VPS54: variants seen among roughly 807,000 people sequenced by gnomAD.
The protein encoded by VPS54 is vacuolar protein sorting-associated protein 54.
A neutral mutation model predicts 121.5 loss-of-function variants in VPS54; 45 were observed. That is an observed-to-expected ratio of 0.37 (90% confidence interval 0.29 to 0.47). The LOEUF is 0.47. Among genes scored for constraint, VPS54 ranks in the 20% least tolerant of loss-of-function variants. VPS54 has a pLI of 0.99. For synonymous variants in VPS54, 371 were observed against 385.8 expected (o/e 0.96, Z 0.45); for missense variants, 1,090 against 1,131.4 (o/e 0.96, Z 0.52).
chr2:63,899,018 A>C (rs1558976128), intron 21 of VPS54, among the ~76,000 whole-genome samples: 1 of 152,120 alleles, frequency 6.6e-6, no homozygotes, highest in Non-Finnish European at 1.5e-5. Flanking sequence ...TTTACTACAG[A>C]TCTCTTATGC....
In VPS54 at chr2:63,914,246, T is replaced by C. The variant is rs753024761; in HGVS notation, c.2270A>G (p.Gln757Arg). 1.2e-6 allele frequency: 2 copies of C among 1,613,662 alleles called. No homozygotes were observed. The highest frequency in any genetic ancestry group is 1.7e-6 in the Non-Finnish European group (2 of 1,179,778). Residue 757 changes from glutamine (Q) to arginine (R), a missense_variant, in exon 17 of 23, where the codon CAG becomes CGG. Physicochemically the swap from Gln to Arg is conservative, Grantham distance 43. This residue lies in a region of VPS54 where 289 missense variants were observed against 374.4 expected (regional missense o/e 0.77). Coordinates refer to ENST00000272322, the MANE Select transcript of VPS54 (RefSeq NM_016516.3). ...LLIRIILEYC[Q>R]CVDNIPSVTT... ...AACAGATGGGATGTTATCCACACAC[T>C]GGCAATATTCAAGGATAATTCTTAT...
chr2:63,912,755 C>T, intron 18 of VPS54, 94 bp from the exon 19 acceptor site: 1 of 1,448,498 alleles, frequency 6.9e-7, no homozygotes, highest in South Asian at 1.4e-5. Flanking sequence ...TAAAAAACAT[C>T]ACTTATAAAG....
chr2:64,011,483 T>G (rs1678427784), intron 1 of VPS54, among the ~76,000 whole-genome samples: 1 of 152,130 alleles, frequency 6.6e-6, no homozygotes, highest in African/African-American at 2.4e-5. Context: ...GAGCAATCGC[T>G]TGAACACAGA....
chr2:63,980,792 C>T (rs1193607858), intron 3 of VPS54, among the ~76,000 whole-genome samples: 1 of 151,974 alleles, frequency 6.6e-6, no homozygotes, highest in African/African-American at 2.4e-5. Context: ...TATTAATGTT[C>T]ATCTACTTAA....
intron 1 of VPS54, among the ~76,000 whole-genome samples, chr2:63,988,961 A>T (rs1677185232): frequency 6.6e-6 from 1 of 152,148 alleles, no homozygotes; most frequent in South Asian, 2.1e-4. Flanking sequence ...AGTAAGGAAT[A>T]TTAATAATTA....
In VPS54 at chr2:63,920,523, C is replaced by T. The variant is rs200443385; in HGVS notation, c.1974G>A (p.Thr658=). ...DTEQICGRKS[T]SLLGALQSQA... is the part of the protein sequence containing the mutation. ...GGCTCTGAAGTGCTCCAAGTAATGA[C>T]GTGCTTTTTCTTCCACAGATCTGTT... Residue 658 remains threonine, a synonymous_variant, in exon 14 of 23, where the codon ACG becomes ACA. Transcript: ENST00000272322. The T allele has an allele frequency of 3.6e-5, 57 of 1,590,480 alleles. No homozygotes were observed. The highest frequency in any genetic ancestry group is 4.1e-5 in the African/African-American group (3 of 72,956).
At chr2:64,010,477 T>C (rs1254443378) in intron 1 of VPS54, among the ~76,000 whole-genome samples, 1 of 152,180 alleles carries the variant, frequency 6.6e-6, no homozygotes, top group Non-Finnish European at 1.5e-5. Flanking sequence ...CCCCCTCCTT[T>C]CTCCACCACC....
At chr2:63,953,979 CT>C (rs1303467427) in intron 7 of VPS54, among the ~76,000 whole-genome samples, 2 of 152,118 alleles carry the variant, frequency 1.3e-5, no homozygotes, top group Non-Finnish European at 2.9e-5. Context: ...ACTTTTTCCT[CT>C]TCTTTTCCTT....
chr2:63,914,442 A>G (rs1231116924), intron 16 of VPS54, among the ~76,000 whole-genome samples, 155 bp from the exon 17 acceptor site: 1 of 152,240 alleles, frequency 6.6e-6, no homozygotes, highest in Non-Finnish European at 1.5e-5. Flanking sequence ...ACCTACTAGT[A>G]CAGCAGGTTC....
At chr2:63,934,191 T>C (rs537910684) in intron 11 of VPS54, among the ~76,000 whole-genome samples, 178 bp from the exon 12 acceptor site, 2 of 152,318 alleles carry the variant, frequency 1.3e-5, no homozygotes, top group Non-Finnish European at 2.9e-5. Context: ...GAAAAAGAAC[T>C]GGCCAGGAGA....
Position 63,933,698 on chromosome 2 carries a change from C to T in VPS54, c.1714G>A (p.Ala572Thr). ...SSSKEHTSSS[A>T]IPGGVDIMVS... ...ATAATATCCACACCTCCTGGAATAGCAGATGATGATGTGTGCTCTTTGCTG... is the reference window on the plus strand; with the variant it reads ...ATAATATCCACACCTCCTGGAATAGTAGATGATGATGTGTGCTCTTTGCTG... The change falls in exon 12 of 23, where the codon GCT (alanine) becomes ACT (threonine). Residue 572 changes from alanine (A) to threonine (T), a missense_variant. Physicochemically the swap from Ala to Thr is moderately conservative, Grantham distance 58. Transcript: ENST00000272322. 6.2e-7 allele frequency: 1 copy of T among 1,613,120 alleles called. No individual in the cohort carries two copies. Among genetic ancestry groups the T allele is most frequent in the Non-Finnish European group, 8.5e-7 (1 of 1,179,652 alleles).
At chr2:63,914,032 A>G in intron 17 of VPS54, 150 bp downstream of exon 17, 2 of 1,033,728 alleles carry the variant, frequency 1.9e-6, no homozygotes, top group South Asian at 1.6e-5. Context: ...GTTTCCAATA[A>G]CATGTTGTGA....
intron 5 of VPS54, among the ~76,000 whole-genome samples, chr2:63,966,955 G>C (rs11886163): frequency 0.097 from 14,825 of 152,116 alleles, 1,219 homozygotes; most frequent in African/African-American, 0.23. Context: ...CAAATGTGTC[G>C]TTGTGCATGA....
chr2:63,983,741 C>A (rs13025640), intron 2 of VPS54, 123 bp downstream of exon 2: 278,694 of 1,291,514 alleles, frequency 0.22, 33,489 homozygotes, highest in Non-Finnish European at 0.24. Flanking sequence ...CGTGCCCGGC[C>A]CCCCCAAATG....
At chr2:63,940,028 T>C (rs1227323740) in intron 11 of VPS54, among the ~76,000 whole-genome samples, 1 of 152,192 alleles carries the variant, frequency 6.6e-6, no homozygotes, top group Non-Finnish European at 1.5e-5. Context: ...AGTGCTGGAA[T>C]TACAGGTGTG....
At chr2:64,018,079 G>T (rs1678792597) in intron 1 of VPS54, among the ~76,000 whole-genome samples, 1 of 151,842 alleles carries the variant, frequency 6.6e-6, no homozygotes, top group Non-Finnish European at 1.5e-5. Context: ...AATATTTCTC[G>T]GTATACTACA....
chr2:63,960,159 G>A (rs927438041), intron 7 of VPS54, among the ~76,000 whole-genome samples: 2 of 152,004 alleles, frequency 1.3e-5, no homozygotes, highest in Admixed American at 1.3e-4. Flanking sequence ...CAGGGGACTG[G>A]GGGTGGGGGC....
At chr2:63,932,592 A>G (rs1036029189) in intron 12 of VPS54, among the ~76,000 whole-genome samples, 3 of 151,982 alleles carry the variant, frequency 2.0e-5, no homozygotes, top group Non-Finnish European at 4.4e-5. Flanking sequence ...CCACCATGGC[A>G]CATGTATACC....
chr2:63,902,878 G>T (rs1171866818), intron 20 of VPS54, among the ~76,000 whole-genome samples: 2 of 152,184 alleles, frequency 1.3e-5, no homozygotes, highest in East Asian at 3.9e-4. Flanking sequence ...TGAGACCTGA[G>T]AATTGCTTAA....
Sources: gnomAD v4.1 joint callset for allele counts (sites outside exome capture counted in the v4.1 genomes callset) on GRCh38, gnomAD v4.1.1 for gene constraint, gnomAD v4.1.1 regional missense constraint, MANE v1.5 for transcripts, NCBI Gene and HGNC (gene_info 2026-07-23, HGNC 2026-07-21) for gene names.